Variants in PCDHGC4 observed in about 807,000 individuals in gnomAD.
PCDHGC4 encodes protocadherin gamma-C4.
A neutral mutation model predicts 59.7 loss-of-function variants in PCDHGC4; 15 were observed. The ratio of observed to expected loss-of-function variants is 0.25; its 90% CI spans 0.17 to 0.39. PCDHGC4 has a LOEUF of 0.39. Ranked by LOEUF, PCDHGC4 falls within the 10% of genes least tolerant of loss-of-function variation. The pLI is 1.00. For synonymous variants in PCDHGC4, 434 were observed against 481.4 expected, an observed-to-expected ratio of 0.90 and a Z score of 1.29; for missense variants, 1,016 against 1,189.5, an observed-to-expected ratio of 0.85 and a Z score of 2.15.
At chr5:141,510,124 A>G (rs2099879540) in intron 3 of PCDHGC4, among the ~76,000 whole-genome samples, 1 of 152,156 alleles carries the variant, frequency 6.6e-6, no homozygotes, top group Admixed American at 6.5e-5. Context: ...AAATACAAAA[A>G]TTAGCTGGGC....
chr5:141,503,372 G>A (rs1275544964), intron 2 of PCDHGC4, among the ~76,000 whole-genome samples: 1 of 151,968 alleles, frequency 6.6e-6, no homozygotes, highest in Non-Finnish European at 1.5e-5. Context: ...GGAGGCAGGT[G>A]GATCATGAGG....
In PCDHGC4 at chr5:141,485,513, T is replaced by C. The variant is rs751762068; in HGVS notation, c.340T>C (p.Leu114=). The C allele has an allele frequency of 4.3e-6, 7 of 1,613,938 alleles. No homozygotes were observed. The highest frequency in any genetic ancestry group is 2.2e-5 in the East Asian group (1 of 44,890). Residue 114 remains leucine, a synonymous_variant, in exon 1 of 4, where the codon TTG becomes CTG. Coordinates refer to ENST00000306593, the MANE Select transcript of PCDHGC4 (RefSeq NM_018928.3). The surrounding 1 kb of genome is among the most constrained non-coding windows in gnomAD (Gnocchi z 5.7). ...VPLEFVTEGP[L]EMYRAEVEIV... ...CCTGGAGTTTGTCACCGAAGGTCCTTTGGAAATGTACCGAGCAGAGGTAGA... is the reference window on the plus strand; with the variant it reads ...CCTGGAGTTTGTCACCGAAGGTCCTCTGGAAATGTACCGAGCAGAGGTAGA...
At chr5:141,494,190 G>GAGAA (rs2099752701) in intron 1 of PCDHGC4, among the ~76,000 whole-genome samples, 1 of 152,186 alleles carries the variant, frequency 6.6e-6, no homozygotes, top group Non-Finnish European at 1.5e-5. Flanking sequence ...CCCGGGACTT[G>GAGAA]GATGCCCCGC....
At chr5:141,499,451 T>A (rs1378621877) in intron 2 of PCDHGC4, among the ~76,000 whole-genome samples, 3 of 152,130 alleles carry the variant, frequency 2.0e-5, no homozygotes, top group Non-Finnish European at 4.4e-5. Flanking sequence ...AAACCACCCA[T>A]CATTTTACAA....
rs188373658 is a variant in PCDHGC4 at position 141,492,228 on chromosome 5, C to T, written c.2443-2579C>T. ...TGCGCGCGGGGCTCATGCGTGTCCT[C>T]CCTGCTGGCCACCCCCACGGCCCAC... On this transcript the variant is annotated intron_variant, in intron 1 of 3. Coordinates refer to ENST00000306593, the MANE Select transcript of PCDHGC4 (RefSeq NM_018928.3). Among the ~76,000 whole-genome samples the T allele has an allele frequency of 5.3e-5, 8 of 152,292 alleles. No individual in the cohort carries two copies. In the East Asian group the frequency reaches 1.2e-3, roughly 22 times the overall value.
intron 2 of PCDHGC4, among the ~76,000 whole-genome samples, chr5:141,505,050 T>C (rs1190927211): frequency 2.0e-5 from 3 of 152,130 alleles, no homozygotes; most frequent in Non-Finnish European, 4.4e-5. Context: ...TCATCCCAGC[T>C]ACTTGGGAGA....
Position 141,505,427 on chromosome 5 carries a change from A to G in PCDHGC4, c.2536A>G (p.Asn846Asp), listed in dbSNP as rs1453435374. Reference protein sequence around the residue: ...QNGDDTGTWPNNQFDTEMLQA... With the variant: ...QNGDDTGTWPDNQFDTEMLQA... The stretch of plus-strand genomic sequence containing the variant: ...TGGCGATGACACCGGCACCTGGCCC[A>G]ACAACCAGTTTGACACAGAGATGCT... The change falls in exon 3 of 4, where the codon AAC (asparagine) becomes GAC (aspartate). Residue 846 changes from asparagine to aspartate, a missense_variant. Physicochemically the swap from Asn to Asp is conservative, Grantham distance 23 (BLOSUM62 1). Coordinates refer to ENST00000306593, the MANE Select transcript of PCDHGC4 (RefSeq NM_018928.3). 1 of 1,614,230 alleles carries G rather than the reference A, an allele frequency of 6.2e-7. No individual in the cohort carries two copies. Among genetic ancestry groups the G allele is most frequent in the East Asian group, 2.2e-5 (1 of 44,878 alleles).
At chr5:141,504,203 A>G (rs2099836487) in intron 2 of PCDHGC4, among the ~76,000 whole-genome samples, 1 of 152,248 alleles carries the variant, frequency 6.6e-6, no homozygotes, top group Non-Finnish European at 1.5e-5. Context: ...TCACTGTGGG[A>G]AAATTCCAAG....
At chr5:141,500,045 T>C (rs2099796072) in intron 2 of PCDHGC4, among the ~76,000 whole-genome samples, 1 of 152,062 alleles carries the variant, frequency 6.6e-6, no homozygotes, top group South Asian at 2.1e-4. Flanking sequence ...CTTAAGTATC[T>C]TAATGCTCTT....
In PCDHGC4 at chr5:141,490,376, C is replaced by T. The variant is rs761956816; in HGVS notation, c.2442+2761C>T. 2 of 1,614,184 alleles carry T rather than the reference C, an allele frequency of 1.2e-6. No individual in the cohort carries two copies. The highest frequency in any genetic ancestry group is 1.7e-6 in the Non-Finnish European group (2 of 1,180,036). ...TTGTTTAATGTGCGAGACCGGGACT[C>T]AGGTAGAAATGGTGAAGTGAGCCTT... is the stretch of plus-strand genomic sequence containing the variant. On this transcript the variant is annotated intron_variant, in intron 1 of 3. Transcript: ENST00000306593. The surrounding 1 kb of genome is among the most constrained non-coding windows in gnomAD (Gnocchi z 5.4).
rs2154594699 is a variant in PCDHGC4 at position 141,512,507 on chromosome 5, C to T, written c.*1334C>T. 6.5e-6 allele frequency: 1 copy of T among 153,048 alleles called. No individual in the cohort carries two copies. Among genetic ancestry groups the T allele is most frequent in the South Asian group, 2.1e-4 (1 of 4,836 alleles). 9.5% of individuals were successfully genotyped at this position (153,048 alleles called of 1,614,324 possible). ...CACTGCCCAGGTCCCCAGTGCGCCCCCTAGTGGCCATAGCCTGGTTAAAGT... is the reference window on the plus strand; with the variant it reads ...CACTGCCCAGGTCCCCAGTGCGCCCTCTAGTGGCCATAGCCTGGTTAAAGT... On this transcript the variant is annotated 3_prime_UTR_variant, in exon 4 of 4. Transcript: ENST00000306593.
chr5:141,505,558 C>A (rs945428797), intron 3 of PCDHGC4, 77 bp downstream of exon 3: 1 of 1,605,016 alleles, frequency 6.2e-7, no homozygotes, highest in African/African-American at 1.3e-5. Context: ...ACCATGCCCA[C>A]GGACTGGATG....
chr5:141,494,394 T>C (rs1437164389), intron 1 of PCDHGC4, among the ~76,000 whole-genome samples: 1 of 152,154 alleles, frequency 6.6e-6, no homozygotes, highest in African/African-American at 2.4e-5. Flanking sequence ...GTTGAATAAA[T>C]TCATTCTAGG....
chr5:141,501,323 A>G (rs2099807887), intron 2 of PCDHGC4, among the ~76,000 whole-genome samples: 1 of 151,850 alleles, frequency 6.6e-6, no homozygotes, highest in East Asian at 1.9e-4. Flanking sequence ...ACACACACAC[A>G]CACACACACA....
chr5:141,495,109 C>A (rs1445945970), intron 2 of PCDHGC4, among the ~76,000 whole-genome samples: 3 of 152,278 alleles, frequency 2.0e-5, no homozygotes, highest in South Asian at 2.1e-4. Context: ...CGACCGGCAC[C>A]TTTTCCTATC....
intron 1 of PCDHGC4, among the ~76,000 whole-genome samples, chr5:141,488,870 G>T (rs2099680071): frequency 6.6e-6 from 1 of 152,224 alleles, no homozygotes; most frequent in African/African-American, 2.4e-5. Context: ...TGAGTGGGGA[G>T]GTAGGAAGCT....
intron 2 of PCDHGC4, among the ~76,000 whole-genome samples, chr5:141,495,107 AC>A (rs1422274779): frequency 1.3e-5 from 2 of 152,048 alleles, no homozygotes; most frequent in Non-Finnish European, 2.9e-5. Context: ...CACGACCGGC[AC>A]CTTTTCCTAT....
chr5:141,508,790 C>T (rs1181979966), intron 3 of PCDHGC4, among the ~76,000 whole-genome samples: 1 of 152,072 alleles, frequency 6.6e-6, no homozygotes, highest in African/African-American at 2.4e-5. Flanking sequence ...CCCTAAATCA[C>T]TCTGGAATCC....
Position 141,510,942 on chromosome 5 carries a change from T to C in PCDHGC4, c.2591-5T>C, listed in dbSNP as rs769766039. On this transcript the variant is annotated splice_region_variant and splice_polypyrimidine_tract_variant and intron_variant, in intron 3 of 3. Transcript: ENST00000306593. ...CTCCCACCTGATCTTCCTCTGTCTCTGCAGAAGCTGCTGATGGGAGCTCCA... is the reference window on the plus strand; with the variant it reads ...CTCCCACCTGATCTTCCTCTGTCTCCGCAGAAGCTGCTGATGGGAGCTCCA... 5 of 1,613,984 alleles carry C rather than the reference T, an allele frequency of 3.1e-6. No homozygotes were observed. The highest frequency in any genetic ancestry group is 4.2e-6 in the Non-Finnish European group (5 of 1,180,014).
Sources: gnomAD v4.1 joint callset for allele counts (sites outside exome capture counted in the v4.1 genomes callset) on GRCh38, gnomAD v4.1.1 for gene constraint, Gnocchi (gnomAD v3.1) non-coding constraint, MANE v1.5 for transcripts, NCBI Gene and HGNC (gene_info 2026-07-23, HGNC 2026-07-21) for gene names.